Variants in C12orf42 observed in about 807,000 individuals in gnomAD.
C12orf42 encodes the protein chromosome 12 open reading frame 42.
A neutral mutation model predicts 21.6 loss-of-function variants in C12orf42; 25 were observed. That is an observed-to-expected ratio of 1.16 (90% CI 0.84 to 1.62). The LOEUF is 1.62. C12orf42 is among the 40% of genes most tolerant of loss of function. The pLI is 0.00. For synonymous variants in C12orf42, 174 were observed against 175.0 expected (o/e 0.99, Z 0.05); for missense variants, 483 against 459.3 (o/e 1.05, Z -0.47).
chr12:103,131,385 A>G, the C12orf42 span, among the ~76,000 whole-genome samples: 2 of 152,100 alleles, frequency 1.3e-5, no homozygotes, highest in South Asian at 2.1e-4. Flanking sequence ...TCTCTAATCA[A>G]TTGTCTTGCA....
At chr12:103,288,309 T>A (rs2036597632) in intron 4 of C12orf42, among the ~76,000 whole-genome samples, 1 of 152,172 alleles carries the variant, frequency 6.6e-6, no homozygotes, top group South Asian at 2.1e-4. Context: ...CTCAGTTGAT[T>A]TTTCATAACG....
chr12:103,246,532 CA>C (rs1191462907), intron 10 of C12orf42, among the ~76,000 whole-genome samples: 2 of 150,328 alleles, frequency 1.3e-5, no homozygotes, highest in African/African-American at 4.9e-5. Context: ...AAACTGATTT[CA>C]AAAAAAAAGA....
chr12:103,394,599 A>G (rs1047070364), intron 3 of C12orf42, among the ~76,000 whole-genome samples: 1 of 152,206 alleles, frequency 6.6e-6, no homozygotes, highest in Non-Finnish European at 1.5e-5. Flanking sequence ...GAAACCATTG[A>G]ACATAATTTT....
the C12orf42 span, among the ~76,000 whole-genome samples, chr12:103,231,495 A>G: frequency 6.6e-6 from 1 of 152,180 alleles, no homozygotes; most frequent in African/African-American, 2.4e-5. Context: ...ACAACCATTG[A>G]TTGCTGTCTA....
At chr12:103,481,227 A>G (rs139503454) in intron 1 of C12orf42, among the ~76,000 whole-genome samples, 9 of 152,068 alleles carry the variant, frequency 5.9e-5, no homozygotes, top group Non-Finnish European at 1.2e-4. Flanking sequence ...CCTATGCCAT[A>G]GTGTGATAAG....
chr12:103,376,450 A>G (rs2045703905), intron 3 of C12orf42, among the ~76,000 whole-genome samples: 1 of 152,156 alleles, frequency 6.6e-6, no homozygotes, highest in East Asian at 1.9e-4. Context: ...ACAAATACCT[A>G]ACGCACACGG....
chr12:103,498,393 C>A (rs1053866121), upstream of C12orf42, among the ~76,000 whole-genome samples: 13 of 152,064 alleles, frequency 8.5e-5, no homozygotes, highest in African/African-American at 3.1e-4. Flanking sequence ...CTGCATTTTC[C>A]AAATAGTCAA....
intron 4 of C12orf42, among the ~76,000 whole-genome samples, chr12:103,329,585 T>C (rs1593459040): frequency 6.6e-6 from 1 of 151,138 alleles, no homozygotes; most frequent in African/African-American, 2.4e-5. Context: ...AAATCTCACT[T>C]GTGTGTTAAG....
downstream of C12orf42, among the ~76,000 whole-genome samples, chr12:103,266,893 C>T (rs1051330790): frequency 2.6e-5 from 4 of 151,956 alleles, no homozygotes; most frequent in African/African-American, 9.7e-5. Flanking sequence ...GGGAAAATTC[C>T]AAGAAAGGTC....
the C12orf42 span, among the ~76,000 whole-genome samples, chr12:103,134,438 T>C: frequency 6.6e-6 from 1 of 151,996 alleles, no homozygotes; most frequent in Admixed American, 6.6e-5. Context: ...CAAGAGTCAT[T>C]CTAGAACTGA....
intron 4 of C12orf42, among the ~76,000 whole-genome samples, chr12:103,306,724 C>T (rs2038374676): frequency 1.3e-5 from 2 of 152,034 alleles, no homozygotes; most frequent in African/African-American, 4.8e-5. Context: ...CCCTCCCTGC[C>T]AAAAAAGATA....
At chr12:103,117,499 G>A in the C12orf42 span, among the ~76,000 whole-genome samples, 156 of 152,234 alleles carry the variant, frequency 1.0e-3, no homozygotes, top group African/African-American at 3.6e-3. Flanking sequence ...GGATTTAAAC[G>A]ATGGCTGCCA....
the C12orf42 span, among the ~76,000 whole-genome samples, chr12:103,195,464 T>C: frequency 6.6e-6 from 1 of 152,146 alleles, no homozygotes; most frequent in African/African-American, 2.4e-5. Context: ...CTGTTATTTT[T>C]TGACATTTAA....
the C12orf42 span, among the ~76,000 whole-genome samples, chr12:103,537,012 T>A: frequency 1.3e-5 from 2 of 152,206 alleles, no homozygotes; most frequent in Non-Finnish European, 2.9e-5. Flanking sequence ...GATTTTTTTT[T>A]AATTGTATTC....
At chr12:103,486,098 T>C (rs1450520505) in intron 1 of C12orf42, among the ~76,000 whole-genome samples, 2 of 152,226 alleles carry the variant, frequency 1.3e-5, no homozygotes, top group African/African-American at 4.8e-5. Flanking sequence ...AGTATGATAT[T>C]GATTGTGGGT....
At chr12:103,128,841 A>C in the C12orf42 span, among the ~76,000 whole-genome samples, 1 of 152,208 alleles carries the variant, frequency 6.6e-6, no homozygotes, top group Non-Finnish European at 1.5e-5. Flanking sequence ...TCTTGAAACT[A>C]TTTCTACAAA....
chr12:103,301,087 T>C (rs2037617207), downstream of C12orf42, among the ~76,000 whole-genome samples: 1 of 152,220 alleles, frequency 6.6e-6, no homozygotes, highest in Admixed American at 6.5e-5. Flanking sequence ...GCTTATAACA[T>C]TTCATTCCTC....
At chr12:103,103,219 G>A in the C12orf42 span, among the ~76,000 whole-genome samples, 1 of 152,160 alleles carries the variant, frequency 6.6e-6, no homozygotes, top group South Asian at 2.1e-4. Context: ...GTGCACATCA[G>A]GAAGTGGAAA....
intron 10 of C12orf42, among the ~76,000 whole-genome samples, chr12:103,251,761 A>T (rs1178014708): frequency 2.0e-5 from 3 of 152,142 alleles, no homozygotes; most frequent in African/African-American, 7.2e-5. Context: ...ATATCAATTA[A>T]TCTTCACAAC....
Sources: allele counts gnomAD v4.1 joint callset (sites outside exome capture counted in the v4.1 genomes callset), GRCh38; gene constraint gnomAD v4.1.1; transcripts MANE v1.5; gene names NCBI Gene and HGNC (gene_info 2026-07-23, HGNC 2026-07-21).